ZFHX4: variants seen among roughly 807,000 people sequenced by gnomAD.
The protein encoded by ZFHX4 is zinc finger homeobox protein 4.
A neutral mutation model predicts 267.6 loss-of-function variants in ZFHX4; 56 were observed. The observed-to-expected ratio is 0.21, with a 90% CI of 0.17 to 0.26. The LOEUF is 0.26. ZFHX4 is among the 10% of genes least tolerant of loss of function. The pLI, the probability that ZFHX4 is intolerant of heterozygous loss-of-function variation, is 1.00. For missense variants in ZFHX4, 4,332 were observed against 4,420.0 expected, an observed-to-expected ratio of 0.98 and a Z score of 0.56; for synonymous variants, 1,778 against 1,665.6, an observed-to-expected ratio of 1.07 and a Z score of -1.64.
intron 10 of ZFHX4, among the ~76,000 whole-genome samples, chr8:76,859,379 A>T (rs1812811017): frequency 6.6e-6 from 1 of 152,082 alleles, no homozygotes; most frequent in Non-Finnish European, 1.5e-5. Flanking sequence ...TTCACATCCT[A>T]GTTTTTGTAT....
In ZFHX4 at chr8:76,855,329, C is replaced by A; in HGVS notation, c.8408C>A (p.Thr2803Asn). 6.2e-7 allele frequency: 1 copy of A among 1,613,732 alleles called. No homozygotes were observed. Among genetic ancestry groups the A allele is most frequent in the Non-Finnish European group, 8.5e-7 (1 of 1,179,844 alleles). ...CAAAATAAAACCGATTTTGATGAGA[C>A]TTCATCGATTAATACGGCAATCAGT... ...YDQNKTDFDE[T>N]SSINTAISDA... is the part of the protein sequence containing the mutation. Residue 2803 changes from threonine to asparagine, a missense_variant, in exon 10 of 11, where the codon ACT becomes AAT. Physicochemically the swap from Thr to Asn is moderately conservative, Grantham distance 65 (BLOSUM62 0). Coordinates refer to ENST00000651372, the MANE Select transcript of ZFHX4 (RefSeq NM_024721.5).
intron 3 of ZFHX4, among the ~76,000 whole-genome samples, chr8:76,712,626 ATGTGTG>A (rs1020824807): frequency 2.0e-5 from 3 of 152,200 alleles, no homozygotes; most frequent in Non-Finnish European, 4.4e-5. Context: ...AAATTGGAAT[ATGTGTG>A]TGTATCTAAG....
rs536667858 is a variant in ZFHX4 at position 76,849,971 on chromosome 8, C to A, written c.3846+259C>A. On this transcript the variant is annotated intron_variant, in intron 8 of 10. Coordinates refer to ENST00000651372, the MANE Select transcript of ZFHX4 (RefSeq NM_024721.5). ...ATATCTATAATGTTCATCAAATAACCCCAGTGGGCACCTTGCATTTCAAAC... is the reference window on the plus strand; with the variant it reads ...ATATCTATAATGTTCATCAAATAACACCAGTGGGCACCTTGCATTTCAAAC... The A allele has an allele frequency of 1.9e-5, 11 of 575,006 alleles. No individual in the cohort carries two copies. The South Asian group carries it at 2.5e-4, about 13-fold the overall frequency. 35.6% of individuals were successfully genotyped at this position (575,006 alleles called of 1,614,324 possible).
At position 76,834,363 on chromosome 8, in the gene ZFHX4, G is replaced by C. The variant is rs141956795; in HGVS notation, c.3394+957G>C. On this transcript the variant is annotated intron_variant, in intron 5 of 10. Coordinates refer to ENST00000651372, the MANE Select transcript of ZFHX4 (RefSeq NM_024721.5). ...TTGCATTCCCACCAGCGATGAATGA[G>C]AGTTCCTGTTGCCCCACATCATCAC... is the stretch of plus-strand genomic sequence containing the variant. 481 of 238,688 alleles carry C rather than the reference G, an allele frequency of 2.0e-3. 1 individual carries two copies. The highest frequency in any genetic ancestry group is 3.1e-3 in the Non-Finnish European group (368 of 116,906). 14.8% of individuals were successfully genotyped at this position (238,688 alleles called of 1,614,324 possible).
intron 4 of ZFHX4, among the ~76,000 whole-genome samples, chr8:76,801,166 T>TA (rs576666970): frequency 1.0e-3 from 153 of 146,748 alleles, no homozygotes; most frequent in South Asian, 6.0e-3. Flanking sequence ...TTTCTTTAAT[T>TA]AAAAAAAAAA....
Position 76,854,113 on chromosome 8 carries a change from G to A in ZFHX4, c.7192G>A (p.Glu2398Lys). Residue 2398 changes from glutamate (E) to lysine (K), a missense_variant, in exon 10 of 11, where the codon GAA becomes AAA. By Grantham distance (56) the Glu-to-Lys change is moderately conservative. Around this residue, in one of 7 missense-constraint regions of ZFHX4, gnomAD observed 1,648 missense variants for 1,625.0 expected, o/e 1.01. Coordinates refer to ENST00000651372, the MANE Select transcript of ZFHX4 (RefSeq NM_024721.5). ...CCCCCTGATTCCATCACCCAAACCA[G>A]AACCTGAGAAGACTTCTCCAAAACC... is the stretch of plus-strand genomic sequence containing the variant. Reference protein sequence around the residue: ...STPLIPSPKPEPEKTSPKPEY... With the variant: ...STPLIPSPKPKPEKTSPKPEY... The A allele has an allele frequency of 6.2e-7, 1 of 1,613,718 alleles. No homozygotes were observed. Among genetic ancestry groups the A allele is most frequent in the East Asian group, 2.2e-5 (1 of 44,804 alleles).
At chr8:76,713,274 TAGATAGAA>T (rs1362986528) in intron 3 of ZFHX4, among the ~76,000 whole-genome samples, 1 of 140,122 alleles carries the variant, frequency 7.1e-6, no homozygotes, top group South Asian at 2.3e-4. Flanking sequence ...GATAGAGAGA[TAGATAGAA>T]AGATAGATAG....
At position 76,704,496 on chromosome 8, in the gene ZFHX4, T is replaced by G. The variant is rs1040328143; in HGVS notation, c.408T>G (p.Asp136Glu). 3 of 1,613,818 alleles carry G rather than the reference T, an allele frequency of 1.9e-6. No individual in the cohort carries two copies. The highest frequency in any genetic ancestry group is 1.3e-5 in the African/African-American group (1 of 74,890). The change falls in exon 2 of 11, where the codon GAT becomes GAG. Residue 136 changes from aspartate to glutamate, a missense_variant. Asp to Glu is a conservative substitution (Grantham distance 45). Transcript: ENST00000651372. ...NLTGEIVYQP[D>E]GSAYIIEDSK... ...CAGGGGAGATCGTTTACCAGCCTGA[T>G]GGGTCAGCATATATAATTGAGGACT...
chr8:76,756,640 G>T (rs1391079082), intron 3 of ZFHX4, among the ~76,000 whole-genome samples: 1 of 151,084 alleles, frequency 6.6e-6, no homozygotes, highest in Non-Finnish European at 1.5e-5. Context: ...CAATCATTTC[G>T]TCAAAGCTAT....
rs116456316 is a variant in ZFHX4, at chr8:76,726,029, C to T, written c.3093+17981C>T. 4.7e-3 allele frequency among the ~76,000 whole-genome samples: 714 copies of T among 152,176 alleles called. 8 individuals carry two copies. Among genetic ancestry groups the T allele is most frequent in the African/African-American group, 0.016 (666 of 41,524 alleles). ...TTTGTTGTAACATAATGCTACATAC[C>T]CTGTAAAGTCTTCGGGACACTGGTG... is the stretch of plus-strand genomic sequence containing the variant. On this transcript the variant is annotated intron_variant, in intron 3 of 10. Transcript: ENST00000651372.
rs111616109 is a variant in ZFHX4, at chr8:76,702,689, T to C, written c.-46-1354T>C. ...CATTAATCTTTCTTGTTTTAGAAAT[T>C]GTCAGGATATGTGAAAGTGTTGATA... On this transcript the variant is annotated intron_variant, in intron 1 of 10. Transcript: ENST00000651372. 8.8e-3 allele frequency among the ~76,000 whole-genome samples: 1,347 copies of C among 152,258 alleles called. 9 individuals are homozygous for C. Among genetic ancestry groups the C allele is most frequent in the Non-Finnish European group, 0.015 (998 of 68,014 alleles).
At position 76,855,949 on chromosome 8, in the gene ZFHX4, A is replaced by G. The variant is rs1431796453; in HGVS notation, c.9028A>G (p.Thr3010Ala). ...AACGGAAGGCACCAAACCAGAGTGT[A>G]CCCTCTGCGGGGTGAAGTACTCTGC... ...GGTEGTKPEC[T>A]LCGVKYSARL... is the part of the protein sequence containing the mutation. Residue 3010 changes from threonine to alanine, a missense_variant, in exon 10 of 11, where the codon ACC (threonine) becomes GCC (alanine). Transcript: ENST00000651372. 1.2e-6 allele frequency: 2 copies of G among 1,613,908 alleles called. No homozygotes were observed. The highest frequency in any genetic ancestry group is 1.7e-5 in the Admixed American group (1 of 60,026).
intron 4 of ZFHX4, among the ~76,000 whole-genome samples, chr8:76,798,351 A>G (rs1021018101): frequency 6.6e-6 from 1 of 152,186 alleles, no homozygotes; most frequent in Non-Finnish European, 1.5e-5. Flanking sequence ...CTATTGCCAC[A>G]TTTGAACCTC....
Position 76,707,893 on chromosome 8 carries a change from G to A in ZFHX4, c.2938G>A (p.Gly980Arg), listed in dbSNP as rs1172153543. Reference sequence around the variant, plus strand: ...TCAACTGGTGGCTCACATTAAAGAAGGGGGCAAAAGCAATGAGTGGAGGTT... The same window carrying A: ...TCAACTGGTGGCTCACATTAAAGAAAGGGGCAAAAGCAATGAGTGGAGGTT... ...KYQLVAHIKE[G>R]GKSNEWRLKC... The change falls in exon 3 of 11, where the codon GGG becomes AGG. Residue 980 changes from glycine to arginine, a missense_variant. Around this residue, in one of 7 missense-constraint regions of ZFHX4, gnomAD observed 1,371 missense variants for 1,423.1 expected, o/e 0.96. Coordinates refer to ENST00000651372, the MANE Select transcript of ZFHX4 (RefSeq NM_024721.5). The A allele has an allele frequency of 6.2e-7, 1 of 1,614,030 alleles. No individual in the cohort carries two copies. The highest frequency in any genetic ancestry group is 8.5e-7 in the Non-Finnish European group (1 of 1,179,934).
intron 3 of ZFHX4, among the ~76,000 whole-genome samples, chr8:76,719,031 G>A (rs568409913): frequency 1.3e-5 from 2 of 150,192 alleles, no homozygotes; most frequent in South Asian, 4.2e-4. Flanking sequence ...GATCTATTCC[G>A]ATCTCCTGTG....
At chr8:76,724,102 C>G (rs1808793731) in intron 3 of ZFHX4, among the ~76,000 whole-genome samples, 1 of 152,004 alleles carries the variant, frequency 6.6e-6, no homozygotes, top group Non-Finnish European at 1.5e-5. Flanking sequence ...GTTGACAAAT[C>G]TGAAATGAAT....
At chr8:76,780,174 G>A (rs1418056710) in intron 4 of ZFHX4, among the ~76,000 whole-genome samples, 1 of 151,990 alleles carries the variant, frequency 6.6e-6, no homozygotes, top group Non-Finnish European at 1.5e-5. Context: ...TTTACTTATA[G>A]CACCTCTTTA....
At chr8:76,802,789 G>C (rs1418602300) in intron 4 of ZFHX4, among the ~76,000 whole-genome samples, 2 of 152,116 alleles carry the variant, frequency 1.3e-5, no homozygotes, top group African/African-American at 4.8e-5. Context: ...TTACACCATA[G>C]GGACAGCCAC....
rs2131609072 is a variant in ZFHX4, at chr8:76,705,630, G to C, written c.1542G>C (p.Val514=). ...NQSISPLSSS[V]LKFIEKGTSS... ...GCATTTCTCCTTTATCATCCAGTGTGCTAAAATTTATTGAAAAGGGTACCT... is the reference window on the plus strand; with the variant it reads ...GCATTTCTCCTTTATCATCCAGTGTCCTAAAATTTATTGAAAAGGGTACCT... The change falls in exon 2 of 11, where the codon GTG becomes GTC. Residue 514 remains valine, a synonymous_variant. Transcript: ENST00000651372. The C allele has an allele frequency of 6.2e-7, 1 of 1,613,910 alleles. No individual in the cohort carries two copies. The highest frequency in any genetic ancestry group is 2.2e-5 in the East Asian group (1 of 44,870).
Sources: allele counts gnomAD v4.1 joint callset (sites outside exome capture counted in the v4.1 genomes callset), GRCh38; gene constraint gnomAD v4.1.1; regional missense constraint gnomAD v4.1.1; transcripts MANE v1.5; gene names NCBI Gene and HGNC (gene_info 2026-07-23, HGNC 2026-07-21).